SEC22C: variants seen among roughly 807,000 people sequenced by gnomAD.
SEC22C encodes SEC22 homolog C, vesicle trafficking protein, also known as vesicle-trafficking protein SEC22c.
SEC22C carries 29 observed loss-of-function variants against 34.7 expected under a neutral mutation model. That is an observed-to-expected ratio of 0.84 (90% CI 0.62 to 1.14). SEC22C has a LOEUF of 1.14. Among genes scored for constraint, SEC22C ranks in the 50% most tolerant of loss-of-function variants. The pLI is 0.00. For missense variants in SEC22C, 337 were observed against 369.0 expected, an observed-to-expected ratio of 0.91 and a Z score of 0.71; for synonymous variants, 117 against 132.8, an observed-to-expected ratio of 0.88 and a Z score of 0.82.
chr3:42,548,597 T>G lies in SEC22C; in HGVS notation c.*4651A>C, dbSNP rs1194755067. 6.2e-7 allele frequency: 1 copy of G among 1,613,398 alleles called. No homozygotes were observed. Among genetic ancestry groups the G allele is most frequent in the Non-Finnish European group, 8.5e-7 (1 of 1,179,992 alleles). On this transcript the variant is annotated 3_prime_UTR_variant, in exon 7 of 7. Transcript: ENST00000264454. ...TGGGAGAATCAGAGCTCTCCTCATT[T>G]GGGTCAGGGGTGGCTGGCTCACGAG...
In SEC22C at chr3:42,555,272, G is replaced by A. The variant is rs933876659; in HGVS notation, c.711+658C>T. ...TGAGGCAGGAGAATGGCGTGAACCC[G>A]GGAGGCAGAGCTTGCAGTGAGCCAA... is the stretch of plus-strand genomic sequence containing the variant. On this transcript the variant is annotated intron_variant, in intron 6 of 6. Transcript: ENST00000264454. Among the ~76,000 whole-genome samples the A allele has an allele frequency of 2.6e-5, 4 of 151,908 alleles. No homozygotes were observed. The South Asian group carries it at 6.2e-4, about 24-fold the overall frequency.
intron 6 of SEC22C, among the ~76,000 whole-genome samples, 176 bp from the exon 7 acceptor site, chr3:42,553,624 G>A (rs930260562): frequency 1.3e-5 from 2 of 152,194 alleles, no homozygotes; most frequent in Admixed American, 6.5e-5. Context: ...ATTATTGGAC[G>A]AAAGTGAGGA....
intron 1 of SEC22C, chr3:42,591,086 A>T: frequency 8.5e-7 from 1 of 1,171,908 alleles, no homozygotes; most frequent in Non-Finnish European, 1.2e-6. Context: ...GGTGCTGAGC[A>T]GCCGGGGTGC....
rs770384489 is a variant in SEC22C at position 42,557,716 on chromosome 3, C to A, written c.527-20G>T. On this transcript the variant is annotated intron_variant, in intron 4 of 6. Coordinates refer to ENST00000264454, the MANE Select transcript of SEC22C (RefSeq NM_032970.4). ...TAGGAGCTTCACAATGGAAAAAAAA[C>A]AAGTGTCTAGTGTAAGTAATTTCTA... 7.8e-6 allele frequency: 10 copies of A among 1,282,370 alleles called. No homozygotes were observed. The highest frequency in any genetic ancestry group is 1.5e-5 in the African/African-American group (1 of 67,646). The allele number at this position is 1,282,370 out of a possible 1,614,324, so 79.4% of individuals were successfully genotyped here. A position where few individuals can be genotyped will look rare whatever the true frequency, so the allele number is the denominator to read the frequency against.
rs2125713058 is a variant in SEC22C at position 42,569,026 on chromosome 3, G to A, written c.21C>T (p.Ala7=). 1.2e-6 allele frequency: 2 copies of A among 1,613,254 alleles called. No individual in the cohort carries two copies. The highest frequency in any genetic ancestry group is 1.7e-6 in the Non-Finnish European group (2 of 1,179,764). Residue 7 remains alanine, a synonymous_variant, in exon 2 of 7, where the codon GCC becomes GCT. Transcript: ENST00000264454. Reference sequence around the variant, plus strand: ...GTCCATCCCTTACCCGTACCACGCAGGCAAAAAAGATCACGGACATGGTCC... The same window carrying A: ...GTCCATCCCTTACCCGTACCACGCAAGCAAAAAAGATCACGGACATGGTCC... MSVIFF[A]CVVRVRDGLP...
Position 42,548,906 on chromosome 3 carries a change from C to G in SEC22C, c.*4342G>C. 1 of 1,321,552 alleles carries G rather than the reference C, an allele frequency of 7.6e-7. No individual in the cohort carries two copies. The highest frequency in any genetic ancestry group is 3.1e-5 in the Admixed American group (1 of 31,966). The allele number at this position is 1,321,552 out of a possible 1,614,324, so 81.9% of individuals were successfully genotyped here. On this transcript the variant is annotated 3_prime_UTR_variant, in exon 7 of 7. Transcript: ENST00000264454. ...TCCTCCCACACACAATGGACTCACCCAGTATTACCCTCCACTACCACTTTT... is the reference window on the plus strand; with the variant it reads ...TCCTCCCACACACAATGGACTCACCGAGTATTACCCTCCACTACCACTTTT...
chr3:42,553,228 C>T lies in SEC22C; in HGVS notation c.*20G>A. On this transcript the variant is annotated 3_prime_UTR_variant, in exon 7 of 7. Coordinates refer to ENST00000264454, the MANE Select transcript of SEC22C (RefSeq NM_032970.4). ...ATCCTCAAAAGAAAATCAAAGAATC[C>T]ATTCATCACAGTGTCATCCTCATAC... 6 of 1,610,974 alleles carry T rather than the reference C, an allele frequency of 3.7e-6. No individual in the cohort carries two copies. Among genetic ancestry groups the T allele is most frequent in the Non-Finnish European group, 5.1e-6 (6 of 1,178,796 alleles).
intron 1 of SEC22C, among the ~76,000 whole-genome samples, chr3:42,572,975 C>A (rs75535413): frequency 6.6e-6 from 1 of 152,162 alleles, no homozygotes; most frequent in Non-Finnish European, 1.5e-5. Context: ...AGCAATCCTT[C>A]CACCTTAGCA....
chr3:42,552,023 C>A lies in SEC22C; in HGVS notation c.*1225G>T, dbSNP rs1453799439. ...CCAAAGAGCAAACTCCCAAAATGAC[C>A]TCCTGCGTGGTACAAAACAAGCCAG... is the stretch of plus-strand genomic sequence containing the variant. On this transcript the variant is annotated 3_prime_UTR_variant, in exon 7 of 7. Transcript: ENST00000264454. 1.0e-6 allele frequency: 1 copy of A among 985,304 alleles called. No individual in the cohort carries two copies. The highest frequency in any genetic ancestry group is 1.2e-6 in the Non-Finnish European group (1 of 829,944). The allele number at this position is 985,304 out of a possible 1,614,324, so 61.0% of individuals were successfully genotyped here. A position where few individuals can be genotyped will look rare whatever the true frequency, so the allele number is the denominator to read the frequency against.
At chr3:42,588,450 A>C (rs1477596169) in intron 1 of SEC22C, among the ~76,000 whole-genome samples, 2 of 152,084 alleles carry the variant, frequency 1.3e-5, no homozygotes, top group Non-Finnish European at 2.9e-5. Context: ...ATTCCTCAAA[A>C]CATGTATGTC....
intron 1 of SEC22C, among the ~76,000 whole-genome samples, chr3:42,580,867 G>A (rs1227113694): frequency 6.6e-6 from 1 of 152,188 alleles, no homozygotes; most frequent in Non-Finnish European, 1.5e-5. Context: ...GTAGAGGAAG[G>A]AGCCTGAGAT....
intron 1 of SEC22C, among the ~76,000 whole-genome samples, chr3:42,596,781 G>T (rs1197761843): frequency 6.6e-6 from 1 of 152,222 alleles, no homozygotes; most frequent in African/African-American, 2.4e-5. Flanking sequence ...GATGAAGAAA[G>T]TAAACTTCAG....
rs1702295516 is a variant in SEC22C at position 42,552,355 on chromosome 3, CTGATGACA to C, written c.*885_*892del. ...CAGGCACTCAGCTCTACTGAAAAGG[CTGATGACA>C]GCAGCCCCTCCCAAGCGGATCTGTA... On this transcript the variant is annotated 3_prime_UTR_variant, in exon 7 of 7. Coordinates refer to ENST00000264454, the MANE Select transcript of SEC22C (RefSeq NM_032970.4). The C allele has an allele frequency of 2.5e-5, 25 of 985,296 alleles. No individual in the cohort carries two copies. The highest frequency in any genetic ancestry group is 3.0e-5 in the Non-Finnish European group (25 of 829,924). 61.0% of individuals were successfully genotyped at this position (985,296 alleles called of 1,614,324 possible).
At chr3:42,583,588 G>A (rs529128842), upstream of SEC22C, among the ~76,000 whole-genome samples, 1 of 152,270 alleles carries the variant, frequency 6.6e-6, no homozygotes, top group Admixed American at 6.5e-5. Flanking sequence ...ACCTGACTAG[G>A]TTAAGGGATA....
In SEC22C at chr3:42,551,266, A is replaced by G. The variant is rs1702242740; in HGVS notation, c.*1982T>C. 1 of 985,332 alleles carries G rather than the reference A, an allele frequency of 1.0e-6. No homozygotes were observed. The highest frequency in any genetic ancestry group is 1.2e-6 in the Non-Finnish European group (1 of 829,950). 61.0% of individuals were successfully genotyped at this position (985,332 alleles called of 1,614,324 possible). On this transcript the variant is annotated 3_prime_UTR_variant, in exon 7 of 7. Coordinates refer to ENST00000264454, the MANE Select transcript of SEC22C (RefSeq NM_032970.4). ...CTGAAAATTCACCTGCTGGGTATGC[A>G]GAAAATTATGCAGATGTGAAATCAG...
intron 1 of SEC22C, among the ~76,000 whole-genome samples, chr3:42,589,042 A>G (rs1704717220): frequency 6.6e-6 from 1 of 151,988 alleles, no homozygotes; most frequent in African/African-American, 2.4e-5. Flanking sequence ...AAGCGGGCGG[A>G]TCACGAGGTC....
chr3:42,588,815 T>C (rs1704709464), intron 1 of SEC22C, among the ~76,000 whole-genome samples: 1 of 152,130 alleles, frequency 6.6e-6, no homozygotes, highest in East Asian at 1.9e-4. Flanking sequence ...TTTCCTTTTC[T>C]GCCCACTCTG....
intron 1 of SEC22C, among the ~76,000 whole-genome samples, chr3:42,597,781 T>C (rs1705072090): frequency 6.6e-6 from 1 of 152,246 alleles, no homozygotes; most frequent in South Asian, 2.1e-4. Flanking sequence ...AAGACAATTA[T>C]TCTTCCAATG....
chr3:42,583,795 G>T (rs75915526), upstream of SEC22C, among the ~76,000 whole-genome samples: 2 of 152,262 alleles, frequency 1.3e-5, no homozygotes, highest in Admixed American at 1.3e-4. Context: ...TTCTGCCCTT[G>T]GCATCAGAAT....
Sources: allele counts gnomAD v4.1 joint callset (sites outside exome capture counted in the v4.1 genomes callset), GRCh38; gene constraint gnomAD v4.1.1; transcripts MANE v1.5; gene names NCBI Gene and HGNC (gene_info 2026-07-23, HGNC 2026-07-21).